SPEG: variants seen among roughly 807,000 people sequenced by gnomAD.
The protein encoded by SPEG is striated muscle preferentially expressed protein kinase.
SPEG carries 114 observed loss-of-function variants against 300.4 expected under a neutral mutation model. The ratio of observed to expected loss-of-function variants is 0.38; its 90% CI spans 0.33 to 0.44. The LOEUF (loss-of-function observed/expected upper bound fraction) is 0.44, where lower values mean the gene tolerates loss of function less well. SPEG is among the 20% of genes least tolerant of loss of function. The pLI is 1.00. For synonymous variants in SPEG, 1,964 were observed against 2,018.9 expected (o/e 0.97, Z 0.73); for missense variants, 4,201 against 4,586.2 (o/e 0.92, Z 2.43).
intron 1 of SPEG, among the ~76,000 whole-genome samples, chr2:219,440,839 G>A (rs1954844143): frequency 6.6e-6 from 1 of 152,144 alleles, no homozygotes; most frequent in East Asian, 1.9e-4. Flanking sequence ...CACAATGCCT[G>A]GTACATACCA....
At chr2:219,455,020 GGAGGCC>G (rs1690063309) in intron 6 of SPEG, among the ~76,000 whole-genome samples, 1 of 152,224 alleles carries the variant, frequency 6.6e-6, no homozygotes, top group Non-Finnish European at 1.5e-5. Flanking sequence ...CTTGAACCCA[GGAGGCC>G]GAGGTTGCAG....
At position 219,443,938 on chromosome 2, in the gene SPEG, T is replaced by C; in HGVS notation, c.389-715T>C. On this transcript the variant is annotated intron_variant, in intron 1 of 40. Transcript: ENST00000312358. The surrounding 1 kb of genome is among the most constrained non-coding windows in gnomAD (Gnocchi z 4.6). ...CTGGGGACTGGGTGCCTCACGCCCCTTCTGTCTTGACTGCCCTCCATGCCC... is the reference window on the plus strand; with the variant it reads ...CTGGGGACTGGGTGCCTCACGCCCCCTCTGTCTTGACTGCCCTCCATGCCC... 1 of 1,134,190 alleles carries C rather than the reference T, an allele frequency of 8.8e-7. No homozygotes were observed. Among genetic ancestry groups the C allele is most frequent in the Non-Finnish European group, 1.2e-6 (1 of 828,012 alleles). 70.3% of individuals were successfully genotyped at this position (1,134,190 alleles called of 1,614,324 possible).
At position 219,483,834 on chromosome 2, in the gene SPEG, G is replaced by A; in HGVS notation, c.6371G>A (p.Gly2124Asp). ...CACCAGCCCCCACTCGAGAACCGGG[G>A]CCTGCAAAAGAGCAGCAGCTTCTCC... ...PHHQPPLENR[G>D]LQKSSSFSQG... is the part of the protein sequence containing the mutation. Residue 2124 changes from glycine to aspartate, a missense_variant, in exon 30 of 41, where the codon GGC becomes GAC. This residue lies in a region of SPEG where 1,578 missense variants were observed against 1,506.0 expected (regional missense o/e 1.05). Transcript: ENST00000312358. 6.3e-7 allele frequency: 1 copy of A among 1,585,636 alleles called. No homozygotes were observed. The highest frequency in any genetic ancestry group is 1.1e-5 in the South Asian group (1 of 89,206).
At position 219,493,063 on chromosome 2, in the gene SPEG, A is replaced by G; in HGVS notation, c.*277A>G. 1 of 676,454 alleles carries G rather than the reference A, an allele frequency of 1.5e-6. No homozygotes were observed. The allele number at this position is 676,454 out of a possible 1,614,324, so 41.9% of individuals were successfully genotyped here. On this transcript the variant is annotated 3_prime_UTR_variant, in exon 41 of 41. Coordinates refer to ENST00000312358, the MANE Select transcript of SPEG (RefSeq NM_005876.5). ...ACAAGAGGGGAATGGAGAAGTGGAG[A>G]GGAAAAGGAATCGAGGGACAGGAAG... is the stretch of plus-strand genomic sequence containing the variant.
At chr2:219,466,229 G>A in intron 9 of SPEG, 1 of 1,448,998 alleles carries the variant, frequency 6.9e-7, no homozygotes, top group South Asian at 1.4e-5. Flanking sequence ...GCCCCCAGGG[G>A]GATAGCCCAT....
In SPEG at chr2:219,488,852, G is replaced by A; in HGVS notation, c.8101G>A (p.Gly2701Arg). Residue 2701 changes from glycine (G) to arginine (R), a missense_variant, in exon 34 of 41, where the codon GGA (glycine) becomes AGA (arginine). Gly to Arg is a moderately radical substitution (Grantham distance 125, BLOSUM62 -2). Around this residue, in one of 4 missense-constraint regions of SPEG, gnomAD observed 1,578 missense variants for 1,506.0 expected, o/e 1.05. Coordinates refer to ENST00000312358, the MANE Select transcript of SPEG (RefSeq NM_005876.5). ...CACGGCGCTGGTGCTGTGGAAGCCG[G>A]GAGACAGCCGGGCACCTTGCACGTA... ...QDTALVLWKPGDSRAPCTYTL... is the reference protein window; with the variant it reads ...QDTALVLWKPRDSRAPCTYTL... 1 of 1,587,916 alleles carries A rather than the reference G, an allele frequency of 6.3e-7. No homozygotes were observed. Among genetic ancestry groups the A allele is most frequent in the Non-Finnish European group, 8.6e-7 (1 of 1,165,970 alleles).
chr2:219,449,040 G>A lies in SPEG; in HGVS notation c.1882G>A (p.Gly628Ser), dbSNP rs1484421508. ...AGAGGCCAGGACGAAAGCACCCCCC[G>A]GTCGGAAGCGGGAGCCCCCGGCGCA... ...PPEARTKAPPGRKREPPAQAV... is the reference protein window; with the variant it reads ...PPEARTKAPPSRKREPPAQAV... Residue 628 changes from glycine to serine, a missense_variant, in exon 4 of 41, where the codon GGT (glycine) becomes AGT (serine). Physicochemically the swap from Gly to Ser is moderately conservative, Grantham distance 56. Around this residue, in one of 4 missense-constraint regions of SPEG, gnomAD observed 1,258 missense variants for 1,293.9 expected, o/e 0.97. Transcript: ENST00000312358. 2.6e-6 allele frequency: 4 copies of A among 1,519,074 alleles called. No homozygotes were observed. In the Admixed American group the frequency reaches 6.2e-5, roughly 24 times the overall value. 94.1% of individuals were successfully genotyped at this position (1,519,074 alleles called of 1,614,324 possible). A position where few individuals can be genotyped will look rare whatever the true frequency, so the allele number is the denominator to read the frequency against.
intron 30 of SPEG, 137 bp downstream of exon 30, chr2:219,485,209 G>A (rs1193920122): frequency 6.7e-7 from 1 of 1,483,964 alleles, no homozygotes; most frequent in Non-Finnish European, 9.1e-7. Flanking sequence ...AGCAGGGCTG[G>A]AGGGGAGGAA....
At chr2:219,472,835 G>C in intron 15 of SPEG, 55 bp from the exon 16 acceptor site, 1 of 1,459,018 alleles carries the variant, frequency 6.9e-7, no homozygotes, top group Non-Finnish European at 9.3e-7. Flanking sequence ...CCAGCTGGAT[G>C]GGGAGGGGTT....
rs1575031033 is a variant in SPEG, at chr2:219,439,752, T to A, written c.388+4387T>A. Among the ~76,000 whole-genome samples the A allele has an allele frequency of 6.6e-6, 1 of 152,128 alleles. No homozygotes were observed. The highest frequency in any genetic ancestry group is 1.5e-5 in the Non-Finnish European group (1 of 68,012). ...AGGAACACAGAATCCTGCCGGCCCCTCCTGGGCCCAGCTGTCCCGTCACTC... is the reference window on the plus strand; with the variant it reads ...AGGAACACAGAATCCTGCCGGCCCCACCTGGGCCCAGCTGTCCCGTCACTC... On this transcript the variant is annotated intron_variant, in intron 1 of 40. Coordinates refer to ENST00000312358, the MANE Select transcript of SPEG (RefSeq NM_005876.5). This position sits in a 1 kb window ranked among gnomAD's most constrained non-coding sequence, Gnocchi z 4.5.
Position 219,443,882 on chromosome 2 carries a change from C to A in SPEG, c.389-771C>A. 1 of 552,244 alleles carries A rather than the reference C, an allele frequency of 1.8e-6. No individual in the cohort carries two copies. Among genetic ancestry groups the A allele is most frequent in the South Asian group, 1.6e-5 (1 of 63,908 alleles). The allele number at this position is 552,244 out of a possible 1,614,324, so 34.2% of individuals were successfully genotyped here. ...CCAGTGCTGGGCACATCCCAGGTAT[C>A]TCCCTCCCCACCCATTGCCACAGGA... is the stretch of plus-strand genomic sequence containing the variant. On this transcript the variant is annotated intron_variant, in intron 1 of 40. Coordinates refer to ENST00000312358, the MANE Select transcript of SPEG (RefSeq NM_005876.5). This position sits in a 1 kb window ranked among gnomAD's most constrained non-coding sequence, Gnocchi z 4.6.
chr2:219,439,161 G>T lies in SPEG; in HGVS notation c.388+3796G>T, dbSNP rs1954792818. Among the ~76,000 whole-genome samples the T allele has an allele frequency of 6.6e-6, 1 of 152,132 alleles. No homozygotes were observed. Among genetic ancestry groups the T allele is most frequent in the African/African-American group, 2.4e-5 (1 of 41,412 alleles). ...AAAGACCTCTGGGGACAGAATATGGGTTAGGACAGAGAAGGGGGAAGGCTG... is the reference window on the plus strand; with the variant it reads ...AAAGACCTCTGGGGACAGAATATGGTTTAGGACAGAGAAGGGGGAAGGCTG... On this transcript the variant is annotated intron_variant, in intron 1 of 40. Coordinates refer to ENST00000312358, the MANE Select transcript of SPEG (RefSeq NM_005876.5). The surrounding 1 kb of genome is among the most constrained non-coding windows in gnomAD (Gnocchi z 4.5).
intron 13 of SPEG, among the ~76,000 whole-genome samples, chr2:219,471,099 C>T (rs1691834299): frequency 6.6e-6 from 1 of 151,142 alleles, no homozygotes; most frequent in African/African-American, 2.4e-5. Flanking sequence ...CAGTGCCCAT[C>T]GATGTGCAGG....
At chr2:219,474,016 C>G in intron 18 of SPEG, 113 bp downstream of exon 18, 1 of 1,026,082 alleles carries the variant, frequency 9.7e-7, no homozygotes, top group Non-Finnish European at 1.4e-6. Context: ...CCCATGTCCT[C>G]TGGTCAGGCC....
rs760860906 is a variant in SPEG at position 219,483,273 on chromosome 2, G to A, written c.5810G>A (p.Arg1937His). ...EELEELPSVP[R>H]PLQPEFSGSR... is the part of the protein sequence containing the mutation. ...CTGGAAGAGCTGCCCTCAGTGCCCC[G>A]CCCACTGCAGCCCGAGTTCTCTGGC... The change falls in exon 30 of 41, where the codon CGC becomes CAC. Residue 1937 changes from arginine to histidine, a missense_variant. Arg to His is a conservative substitution (Grantham distance 29, BLOSUM62 0). Coordinates refer to ENST00000312358, the MANE Select transcript of SPEG (RefSeq NM_005876.5). 6.3e-5 allele frequency: 101 copies of A among 1,606,814 alleles called. No homozygotes were observed. Among genetic ancestry groups the A allele is most frequent in the Non-Finnish European group, 8.3e-5 (98 of 1,176,978 alleles).
Position 219,443,358 on chromosome 2 carries a change from A to G in SPEG, c.389-1295A>G. Reference sequence around the variant, plus strand: ...CCAGCAGAAGGGAGGGCGGCTCACTAGCACACCCCTGCATGGACTGGGTGC... The same window carrying G: ...CCAGCAGAAGGGAGGGCGGCTCACTGGCACACCCCTGCATGGACTGGGTGC... On this transcript the variant is annotated intron_variant, in intron 1 of 40. Coordinates refer to ENST00000312358, the MANE Select transcript of SPEG (RefSeq NM_005876.5). This position sits in a 1 kb window ranked among gnomAD's most constrained non-coding sequence, Gnocchi z 4.6. The G allele has an allele frequency of 1.6e-6, 1 of 637,418 alleles. No homozygotes were observed. Among genetic ancestry groups the G allele is most frequent in the Non-Finnish European group, 2.9e-6 (1 of 347,690 alleles). The allele number at this position is 637,418 out of a possible 1,614,324, so 39.5% of individuals were successfully genotyped here.
At chr2:219,455,251 C>T (rs1690086167) in intron 6 of SPEG, among the ~76,000 whole-genome samples, 1 of 152,174 alleles carries the variant, frequency 6.6e-6, no homozygotes, top group Non-Finnish European at 1.5e-5. Context: ...AATGAGGAAA[C>T]TGAGACTTGG....
Position 219,451,207 on chromosome 2 carries a change from C to G in SPEG, c.2185C>G (p.Gln729Glu), listed in dbSNP as rs778415608. Residue 729 changes from glutamine to glutamate, a missense_variant, in exon 5 of 41, where the codon CAG becomes GAG. Physicochemically the swap from Gln to Glu is conservative, Grantham distance 29. This residue lies in a region of SPEG where 1,258 missense variants were observed against 1,293.9 expected (regional missense o/e 0.97). Transcript: ENST00000312358. The surrounding 1 kb of genome is among the most constrained non-coding windows in gnomAD (Gnocchi z 6.4). Reference sequence around the variant, plus strand: ...GGCCCCTGTGTTTGAGATCCCCCTGCAGAATGTGGTGGTGGCACCAGGGGC... The same window carrying G: ...GGCCCCTGTGTTTGAGATCCCCCTGGAGAATGTGGTGGTGGCACCAGGGGC... ...LEAPVFEIPLQNVVVAPGADV... is the reference protein window; with the variant it reads ...LEAPVFEIPLENVVVAPGADV... 5.0e-6 allele frequency: 8 copies of G among 1,613,916 alleles called. No individual in the cohort carries two copies. Among genetic ancestry groups the G allele is most frequent in the Admixed American group, 1.7e-5 (1 of 60,008 alleles).
chr2:219,474,797 T>TTTTTTTC lies in SPEG; in HGVS notation c.4447+900_4447+901insCTTTTTT, dbSNP rs1178421726. ...CAATGTTTGCAGCAGCAAGGATTCT[T>TTTTTTTC]TTTTTTTTTTTTTTTTTTGAGACAG... is the stretch of plus-strand genomic sequence containing the variant. On this transcript the variant is annotated intron_variant, in intron 18 of 40. Coordinates refer to ENST00000312358, the MANE Select transcript of SPEG (RefSeq NM_005876.5). Among the ~76,000 whole-genome samples, 14 of 6,472 alleles carry TTTTTTTC rather than the reference T, an allele frequency of 2.2e-3. No homozygotes were observed. The Non-Finnish European group carries it at 0.029, about 13-fold the overall frequency. 4.2% of individuals were successfully genotyped at this position (6,472 alleles called of 152,430 possible).
Sources: allele counts gnomAD v4.1 joint callset (sites outside exome capture counted in the v4.1 genomes callset), GRCh38; gene constraint gnomAD v4.1.1; regional missense constraint gnomAD v4.1.1; non-coding constraint Gnocchi (gnomAD v3.1); transcripts MANE v1.5; gene names NCBI Gene and HGNC (gene_info 2026-07-23, HGNC 2026-07-21).